The following FGF12 variants were observed in gnomAD, a reference collection of about 807,000 sequenced individuals.
FGF12 encodes the protein fibroblast growth factor 12.
In FGF12, 14 loss-of-function variants were observed where a neutral mutation model predicts 23.6. The ratio of observed to expected loss-of-function variants is 0.59; its 90% CI spans 0.39 to 0.93. The LOEUF (loss-of-function observed/expected upper bound fraction) is 0.93. Among genes scored for constraint, FGF12 ranks in the 40% least tolerant of loss-of-function variants. FGF12 has a pLI of 0.00. For synonymous variants in FGF12, 62 were observed against 77.3 expected, an observed-to-expected ratio of 0.80 and a Z score of 1.04; for missense variants, 175 against 217.8, an observed-to-expected ratio of 0.80 and a Z score of 1.24.
intron 2 of FGF12, among the ~76,000 whole-genome samples, chr3:192,382,432 T>C (rs367918695): frequency 7.7e-4 from 118 of 152,330 alleles, no homozygotes; most frequent in African/African-American, 2.7e-3. Context: ...CTAAACACCA[T>C]TGCACAAATG....
chr3:192,198,925 C>G (rs375469235), intron 4 of FGF12, among the ~76,000 whole-genome samples: 9 of 152,304 alleles, frequency 5.9e-5, no homozygotes, highest in African/African-American at 2.2e-4. Flanking sequence ...CATTAACAGA[C>G]TATCCCAAAC....
chr3:192,361,909 CTAAT>C (rs1465759874), intron 2 of FGF12, among the ~76,000 whole-genome samples: 4 of 152,140 alleles, frequency 2.6e-5, no homozygotes, highest in African/African-American at 9.7e-5. Flanking sequence ...AGGAAGCAGA[CTAAT>C]GAGCAAAGAA....
At chr3:192,460,682 TTATATATATATATA>T (rs35031609) in intron 2 of FGF12, among the ~76,000 whole-genome samples, 1 of 142,444 alleles carries the variant, frequency 7.0e-6, no homozygotes, top group African/African-American at 2.6e-5. Context: ...ACACATATAT[TTATATATATATATA>T]TATATATATC....
intron 2 of FGF12, among the ~76,000 whole-genome samples, chr3:192,607,527 G>C (rs1436501708): frequency 6.6e-6 from 1 of 152,082 alleles, no homozygotes; most frequent in Non-Finnish European, 1.5e-5. Flanking sequence ...CCAGGGTGAA[G>C]GGAAGACTAA....
intron 2 of FGF12, among the ~76,000 whole-genome samples, chr3:192,563,303 T>G (rs971300061): frequency 2.6e-5 from 4 of 152,202 alleles, no homozygotes; most frequent in African/African-American, 9.6e-5. Context: ...ATCTTTAATA[T>G]CTCTCATATC....
chr3:192,622,025 C>A (rs994763974), intron 2 of FGF12, among the ~76,000 whole-genome samples: 7 of 152,156 alleles, frequency 4.6e-5, no homozygotes, highest in African/African-American at 1.7e-4. Context: ...AGGAAAAGGC[C>A]TCTTTTCCAA....
At chr3:192,167,758 TATATATATATAAA>T (rs1160611215) in intron 5 of FGF12, among the ~76,000 whole-genome samples, 1 of 33,218 alleles carries the variant, frequency 3.0e-5, no homozygotes, top group African/African-American at 1.3e-4. Flanking sequence ...TATATATATA[TATATATATATAAA>T]ATTTTTTTTT....
chr3:192,708,007 T>G (rs1430327743), intron 2 of FGF12, among the ~76,000 whole-genome samples: 1 of 152,176 alleles, frequency 6.6e-6, no homozygotes, highest in African/African-American at 2.4e-5. Context: ...TCACCCAGGC[T>G]GGAGTGCTGT....
chr3:192,674,292 G>T (rs1445161584), intron 2 of FGF12, among the ~76,000 whole-genome samples: 1 of 152,184 alleles, frequency 6.6e-6, no homozygotes, highest in Non-Finnish European at 1.5e-5. Flanking sequence ...AGCAGCAAAA[G>T]GCATGCTATC....
At chr3:192,239,299 G>A (rs759209751) in intron 4 of FGF12, among the ~76,000 whole-genome samples, 7 of 152,138 alleles carry the variant, frequency 4.6e-5, no homozygotes, top group Admixed American at 4.6e-4. Flanking sequence ...TTGCATTGAT[G>A]TTTCCAGAAC....
At chr3:192,154,771 G>C (rs1417260934) in intron 5 of FGF12, among the ~76,000 whole-genome samples, 1 of 145,404 alleles carries the variant, frequency 6.9e-6, no homozygotes, top group Non-Finnish European at 1.5e-5. Context: ...CTTTTTGTTT[G>C]TCTGTGCCCT....
chr3:192,378,094 C>CTTTCTGTCT (rs1354979179), intron 2 of FGF12, among the ~76,000 whole-genome samples: 1 of 67,158 alleles, frequency 1.5e-5, no homozygotes, highest in East Asian at 3.8e-4. Flanking sequence ...TTCTTTCTTT[C>CTTTCTGTCT]TTCTTTCTTT....
At chr3:192,345,728 TAAC>T (rs1304446765) in intron 3 of FGF12, among the ~76,000 whole-genome samples, 2 of 151,488 alleles carry the variant, frequency 1.3e-5, no homozygotes, top group Admixed American at 1.3e-4. Flanking sequence ...ATTCTAATGA[TAAC>T]AATTCAAGTA....
At chr3:192,518,347 G>C (rs1421409822) in intron 2 of FGF12, among the ~76,000 whole-genome samples, 2 of 152,072 alleles carry the variant, frequency 1.3e-5, no homozygotes, top group Non-Finnish European at 2.9e-5. Context: ...TGAATTCCTA[G>C]TACCTAAATT....
intron 2 of FGF12, among the ~76,000 whole-genome samples, chr3:192,414,883 T>A (rs1237460460): frequency 6.6e-6 from 1 of 152,160 alleles, no homozygotes; most frequent in Non-Finnish European, 1.5e-5. Context: ...TCTCTCCCCG[T>A]GAAGCTCTTT....
intron 2 of FGF12, among the ~76,000 whole-genome samples, chr3:192,460,553 C>T (rs1003882785): frequency 1.3e-5 from 2 of 151,990 alleles, no homozygotes. Flanking sequence ...GCTCTGCAAC[C>T]AGCAAGCACA....
intron 2 of FGF12, among the ~76,000 whole-genome samples, chr3:192,582,112 G>A (rs1713181497): frequency 1.3e-5 from 2 of 150,928 alleles, no homozygotes; most frequent in South Asian, 2.1e-4. Flanking sequence ...CTGGTTCACC[G>A]TTGCATTACA....
intron 2 of FGF12, among the ~76,000 whole-genome samples, chr3:192,571,559 C>T (rs1712637082): frequency 6.6e-6 from 1 of 152,188 alleles, no homozygotes; most frequent in African/African-American, 2.4e-5. Flanking sequence ...CAAAAGCTTT[C>T]AGTATCCAAC....
At chr3:192,573,552 G>T (rs910974406) in intron 2 of FGF12, among the ~76,000 whole-genome samples, 10 of 152,046 alleles carry the variant, frequency 6.6e-5, no homozygotes, top group African/African-American at 2.2e-4. Flanking sequence ...TTCTACAGCA[G>T]CCTACTAGCC....
Sources: gnomAD v4.1 joint callset for allele counts (sites outside exome capture counted in the v4.1 genomes callset) on GRCh38, gnomAD v4.1.1 for gene constraint, MANE v1.5 for transcripts, NCBI Gene and HGNC (gene_info 2026-07-23, HGNC 2026-07-21) for gene names.